TENM2: variants seen among roughly 807,000 people sequenced by gnomAD.
TENM2 encodes teneurin transmembrane protein 2, also known as teneurin-2.
In TENM2, 52 loss-of-function variants were observed where a neutral mutation model predicts 245.2. The ratio of observed to expected loss-of-function variants is 0.21; its 90% confidence interval spans 0.17 to 0.27. The LOEUF is 0.27. Among genes scored for constraint, TENM2 ranks in the 10% least tolerant of loss-of-function variants. TENM2 has a pLI of 1.00. For missense variants in TENM2, 3,046 were observed against 3,666.8 expected, an observed-to-expected ratio of 0.83 and a Z score of 4.37; for synonymous variants, 1,363 against 1,438.9, an observed-to-expected ratio of 0.95 and a Z score of 1.19.
the TENM2 span, among the ~76,000 whole-genome samples, chr5:167,079,274 C>T: frequency 1.8e-4 from 21 of 119,130 alleles, 1 homozygote; most frequent in African/African-American, 4.3e-4. Flanking sequence ...TATATATACA[C>T]ACACACACAC....
intron 2 of TENM2, among the ~76,000 whole-genome samples, chr5:167,631,377 C>A (rs982608209): frequency 6.6e-5 from 10 of 152,136 alleles, no homozygotes; most frequent in African/African-American, 2.4e-4. Flanking sequence ...CATATAAAGA[C>A]CTGGAGTGTT....
chr5:167,018,448 C>T, the TENM2 span, among the ~76,000 whole-genome samples: 10 of 151,398 alleles, frequency 6.6e-5, no homozygotes, highest in African/African-American at 2.2e-4. Context: ...ATAAACCAGA[C>T]GTCATCTCTG....
At chr5:167,194,611 C>T in the TENM2 span, among the ~76,000 whole-genome samples, 3 of 151,898 alleles carry the variant, frequency 2.0e-5, no homozygotes, top group Non-Finnish European at 2.9e-5. Context: ...GGATTAATGA[C>T]GGTGAGAAGG....
chr5:167,337,559 A>G (rs962884043), intron 1 of TENM2, among the ~76,000 whole-genome samples: 3 of 152,226 alleles, frequency 2.0e-5, no homozygotes, highest in Admixed American at 2.0e-4. Flanking sequence ...GGGGGAAATA[A>G]TTATTTGTAA....
the TENM2 span, among the ~76,000 whole-genome samples, chr5:167,254,049 T>C: frequency 6.6e-6 from 1 of 152,048 alleles, no homozygotes; most frequent in African/African-American, 2.4e-5. Context: ...AGATATTTAA[T>C]ACAAGTTGCT....
chr5:167,788,124 A>G (rs962924213), intron 2 of TENM2, among the ~76,000 whole-genome samples: 2 of 152,186 alleles, frequency 1.3e-5, no homozygotes, highest in African/African-American at 2.4e-5. Flanking sequence ...AGACACATGC[A>G]TAGCTGTTAG....
chr5:167,955,615 T>G (rs1219326125), intron 4 of TENM2, among the ~76,000 whole-genome samples: 1 of 152,198 alleles, frequency 6.6e-6, no homozygotes, highest in Non-Finnish European at 1.5e-5. Context: ...TGTGTTTAAG[T>G]CTTTAATCCA....
At chr5:167,268,998 C>T in the TENM2 span, among the ~76,000 whole-genome samples, 1 of 151,864 alleles carries the variant, frequency 6.6e-6, no homozygotes, top group African/African-American at 2.4e-5. Flanking sequence ...AACTCCTACA[C>T]TCTGAGTATT....
At chr5:167,957,332 A>AT (rs1470306497) in intron 4 of TENM2, among the ~76,000 whole-genome samples, 1 of 151,722 alleles carries the variant, frequency 6.6e-6, no homozygotes, top group Admixed American at 6.6e-5. Context: ...CCCCTTTATG[A>AT]TTTTTTGTTG....
chr5:167,973,727 G>T (rs1282091557), intron 4 of TENM2, among the ~76,000 whole-genome samples: 1 of 152,070 alleles, frequency 6.6e-6, no homozygotes, highest in East Asian at 2.0e-4. Flanking sequence ...GGCCGGAAGA[G>T]CAAGGCTGTG....
the TENM2 span, among the ~76,000 whole-genome samples, chr5:167,236,070 C>T: frequency 6.6e-6 from 1 of 152,128 alleles, no homozygotes; most frequent in Non-Finnish European, 1.5e-5. Flanking sequence ...CAGGCAGCAC[C>T]TCCTATCCCA....
chr5:168,025,784 T>G (rs1224648513), intron 5 of TENM2, among the ~76,000 whole-genome samples: 1 of 152,168 alleles, frequency 6.6e-6, no homozygotes, highest in African/African-American at 2.4e-5. Context: ...AGGCAAATTC[T>G]TGAACATGAA....
At chr5:167,165,749 A>G in the TENM2 span, among the ~76,000 whole-genome samples, 1 of 152,326 alleles carries the variant, frequency 6.6e-6, no homozygotes, top group African/African-American at 2.4e-5. Flanking sequence ...TTCACTGACC[A>G]CCATTGTCAG....
intron 5 of TENM2, among the ~76,000 whole-genome samples, chr5:168,019,192 G>A (rs1435573824): frequency 6.6e-6 from 1 of 152,188 alleles, no homozygotes; most frequent in Non-Finnish European, 1.5e-5. Context: ...CAAGGATCTA[G>A]GGTATTGATG....
At chr5:167,079,039 G>C in the TENM2 span, among the ~76,000 whole-genome samples, 2 of 152,030 alleles carry the variant, frequency 1.3e-5, no homozygotes, top group Non-Finnish European at 2.9e-5. Context: ...GGGTCACCTT[G>C]TTACACCTCA....
At chr5:168,100,562 G>T (rs1793727476) in intron 9 of TENM2, among the ~76,000 whole-genome samples, 1 of 152,114 alleles carries the variant, frequency 6.6e-6, no homozygotes, top group South Asian at 2.1e-4. Context: ...CCATAAAAAA[G>T]GATGAGTTCA....
chr5:167,655,634 A>T (rs548076470), intron 2 of TENM2, among the ~76,000 whole-genome samples: 1 of 152,338 alleles, frequency 6.6e-6, no homozygotes, highest in South Asian at 2.1e-4. Flanking sequence ...TTTGGGAAGC[A>T]TGAAGCTTCA....
chr5:167,226,164 T>C, the TENM2 span, among the ~76,000 whole-genome samples: 1 of 152,020 alleles, frequency 6.6e-6, no homozygotes, highest in Non-Finnish European at 1.5e-5. Flanking sequence ...AATTCTGCTC[T>C]GATCTTCTTT....
chr5:167,394,020 G>C (rs1479286589), intron 2 of TENM2, among the ~76,000 whole-genome samples: 1 of 152,090 alleles, frequency 6.6e-6, no homozygotes, highest in African/African-American at 2.4e-5. Context: ...ATATATTTTG[G>C]ATATTAACTC....
Sources: allele counts gnomAD v4.1 joint callset (sites outside exome capture counted in the v4.1 genomes callset), GRCh38; gene constraint gnomAD v4.1.1; transcripts MANE v1.5; gene names NCBI Gene and HGNC (gene_info 2026-07-23, HGNC 2026-07-21).